SEMA6A: variants seen among roughly 807,000 people sequenced by gnomAD.
SEMA6A encodes the protein semaphorin-6A.
Under a neutral mutation model 96.8 loss-of-function variants are expected in SEMA6A, and 25 were observed. That is an observed-to-expected ratio of 0.26 (90% CI 0.19 to 0.36). The LOEUF (loss-of-function observed/expected upper bound fraction) is 0.36, where lower values mean the gene tolerates loss of function less well. Among genes scored for constraint, SEMA6A ranks in the 10% least tolerant of loss-of-function variants. The pLI is 1.00. For synonymous variants in SEMA6A, 612 were observed against 518.0 expected (o/e 1.18, Z -2.46); for missense variants, 1,363 against 1,323.1 (o/e 1.03, Z -0.47).
At chr5:116,493,728 C>A (rs1322419672) in intron 6 of SEMA6A, among the ~76,000 whole-genome samples, 1 of 152,096 alleles carries the variant, frequency 6.6e-6, no homozygotes, top group African/African-American at 2.4e-5. Flanking sequence ...CTTGTTGGTG[C>A]GGATTCCAGC....
In SEMA6A at chr5:116,443,861, A is replaced by G. The variant is rs955965466; in HGVS notation, c.*2752T>C. ...GTGGGGAAAAAAACTGGGGAGAAAT[A>G]CTTAAATGCAGAAGACCAGCTCAAT... On this transcript the variant is annotated 3_prime_UTR_variant, in exon 19 of 19. Coordinates refer to ENST00000343348, the MANE Select transcript of SEMA6A (RefSeq NM_020796.5). 3 of 152,640 alleles carry G rather than the reference A, an allele frequency of 2.0e-5. No homozygotes were observed. Among genetic ancestry groups the G allele is most frequent in the Non-Finnish European group, 4.4e-5 (3 of 68,054 alleles). The allele number at this position is 152,640 out of a possible 1,614,324, so 9.5% of individuals were successfully genotyped here.
chr5:116,518,539 G>C lies in SEMA6A; in HGVS notation c.-38-13557C>G, dbSNP rs182367425. Among the ~76,000 whole-genome samples the C allele has an allele frequency of 1.7e-3, 263 of 152,324 alleles. 2 individuals carry two copies. The highest frequency in any genetic ancestry group is 6.9e-3 in the Admixed American group (105 of 15,300). ...CCAATAAGTTTGAGTGTGACAAGAA[G>C]AAACCAAACTAAAGTGCTGAGGGTC... On this transcript the variant is annotated intron_variant, in intron 1 of 18. Transcript: ENST00000343348.
In SEMA6A at chr5:116,497,600, C is replaced by T. The variant is rs1193107882; in HGVS notation, c.219-213G>A. Among the ~76,000 whole-genome samples the T allele has an allele frequency of 3.3e-5, 5 of 152,250 alleles. No homozygotes were observed. In the East Asian group the frequency reaches 7.7e-4, roughly 24 times the overall value. ...CATGGCATTGTGCTCCAAGGAACAC[C>T]GTTTATGAAAACTTTCCTGTATTAG... On this transcript the variant is annotated intron_variant, in intron 3 of 18. Coordinates refer to ENST00000343348, the MANE Select transcript of SEMA6A (RefSeq NM_020796.5).
chr5:116,515,869 C>G (rs750998816), intron 1 of SEMA6A, among the ~76,000 whole-genome samples: 2 of 152,204 alleles, frequency 1.3e-5, no homozygotes, highest in Non-Finnish European at 2.9e-5. Context: ...CTGCAAGTCG[C>G]TCCGTTGAGC....
chr5:116,481,190 A>G (rs1459557723), intron 11 of SEMA6A, among the ~76,000 whole-genome samples: 1 of 152,216 alleles, frequency 6.6e-6, no homozygotes, highest in African/African-American at 2.4e-5. Context: ...TTAGTAGAAA[A>G]TCACTTAAAG....
chr5:116,487,311 C>G (rs1757103222), intron 9 of SEMA6A: 1 of 238,998 alleles, frequency 4.2e-6, no homozygotes, highest in Non-Finnish European at 8.3e-6. Flanking sequence ...TCCTCACTAG[C>G]TGCCTCTGGG....
intron 18 of SEMA6A, among the ~76,000 whole-genome samples, chr5:116,456,758 C>G (rs1055228136): frequency 6.6e-5 from 10 of 152,180 alleles, no homozygotes; most frequent in Non-Finnish European, 1.5e-4. Flanking sequence ...GCAGAAGAAG[C>G]AGAATGCTTG....
intron 17 of SEMA6A, among the ~76,000 whole-genome samples, chr5:116,470,632 T>C (rs1200040680): frequency 1.6e-4 from 24 of 152,070 alleles, no homozygotes; most frequent in Admixed American, 6.5e-5. Flanking sequence ...AGGAAAATAA[T>C]CAGGGCCCAA....
chr5:116,496,154 A>G (rs1189362533), intron 5 of SEMA6A, 97 bp downstream of exon 5: 6 of 1,054,716 alleles, frequency 5.7e-6, no homozygotes, highest in Non-Finnish European at 8.5e-6. Flanking sequence ...GAAAAAGGAA[A>G]AAGCACAATC....
chr5:116,503,199 A>C (rs1427849075), intron 2 of SEMA6A, among the ~76,000 whole-genome samples: 1 of 152,104 alleles, frequency 6.6e-6, no homozygotes, highest in Non-Finnish European at 1.5e-5. Context: ...TTTAAAAGGC[A>C]CTTGTTTTCT....
intron 1 of SEMA6A, among the ~76,000 whole-genome samples, chr5:116,511,094 T>C (rs1442193315): frequency 6.6e-6 from 1 of 152,202 alleles, no homozygotes; most frequent in Non-Finnish European, 1.5e-5. Context: ...CTGTGAGGGA[T>C]TGGTCCCAGG....
intron 5 of SEMA6A, 125 bp downstream of exon 5, chr5:116,496,126 A>G (rs1757588804): frequency 6.2e-6 from 5 of 812,030 alleles, no homozygotes; most frequent in African/African-American, 3.5e-5. Flanking sequence ...AAGTTGATGA[A>G]AAAAGCAATT....
chr5:116,486,890 G>A lies in SEMA6A; in HGVS notation c.821C>T (p.Thr274Met). 2 of 1,613,760 alleles carry A rather than the reference G, an allele frequency of 1.2e-6. No homozygotes were observed. The highest frequency in any genetic ancestry group is 1.7e-6 in the Non-Finnish European group (2 of 1,179,772). ...GSQRVLEKQW[T>M]SFLKARLNCS... ...GTTCAAGCGCGCCTTCAGGAACGAC[G>A]TCCACTGTTTCTCCAGGACTCTTTG... The change falls in exon 10 of 19, where the codon ACG becomes ATG. Residue 274 changes from threonine to methionine, a missense_variant. Physicochemically the swap from Thr to Met is moderately conservative, Grantham distance 81. Coordinates refer to ENST00000343348, the MANE Select transcript of SEMA6A (RefSeq NM_020796.5).
At chr5:116,537,688 T>C (rs929600154) in intron 1 of SEMA6A, among the ~76,000 whole-genome samples, 8 of 152,180 alleles carry the variant, frequency 5.3e-5, no homozygotes, top group African/African-American at 1.4e-4. Context: ...CTTATTGCCA[T>C]TAGGAGTAGC....
intron 1 of SEMA6A, among the ~76,000 whole-genome samples, chr5:116,551,004 C>T (rs933423249): frequency 2.0e-5 from 3 of 152,222 alleles, no homozygotes; most frequent in African/African-American, 7.2e-5. Context: ...CATTTTCAAA[C>T]GCTGGCATCC....
rs377221622 is a variant in SEMA6A at position 116,518,460 on chromosome 5, T to C, written c.-38-13478A>G. Among the ~76,000 whole-genome samples, 13 of 152,308 alleles carry C rather than the reference T, an allele frequency of 8.5e-5. No individual in the cohort carries two copies. In the East Asian group the frequency reaches 1.3e-3, roughly 16 times the overall value. On this transcript the variant is annotated intron_variant, in intron 1 of 18. Transcript: ENST00000343348. ...ATTCCCATAATTAATAGCACAGCAA[T>C]CACTTTAATTACCATCTCTGCCAGA...
At chr5:116,502,091 A>C in intron 3 of SEMA6A, 119 bp downstream of exon 3, 1 of 714,236 alleles carries the variant, frequency 1.4e-6, no homozygotes, top group Non-Finnish European at 2.4e-6. Context: ...AGGAGGCTTT[A>C]AGTTAAATAA....
intron 17 of SEMA6A, chr5:116,469,242 T>G (rs1160350950): frequency 6.6e-6 from 1 of 152,230 alleles, no homozygotes. Context: ...GAAAATAGTC[T>G]GCTTCGTATC....
At chr5:116,483,234 C>G (rs1373850195) in intron 10 of SEMA6A, among the ~76,000 whole-genome samples, 4 of 152,144 alleles carry the variant, frequency 2.6e-5, no homozygotes, top group Non-Finnish European at 4.4e-5. Context: ...ATAATTATAT[C>G]CTTGCCTGGC....
Sources: gnomAD v4.1 joint callset for allele counts (sites outside exome capture counted in the v4.1 genomes callset) on GRCh38, gnomAD v4.1.1 for gene constraint, MANE v1.5 for transcripts, NCBI Gene and HGNC (gene_info 2026-07-23, HGNC 2026-07-21) for gene names.